JAZF1: variants seen among roughly 807,000 people sequenced by gnomAD.
JAZF1 encodes juxtaposed with another zinc finger protein 1.
In JAZF1, 8 loss-of-function variants were observed where a neutral mutation model predicts 26.4. That is an observed-to-expected ratio of 0.30 (90% CI 0.18 to 0.55). The LOEUF (loss-of-function observed/expected upper bound fraction) is 0.55. Among genes scored for constraint, JAZF1 ranks in the 20% least tolerant of loss-of-function variants. The pLI, the probability that JAZF1 is intolerant of heterozygous loss-of-function variation, is 0.94. For missense variants in JAZF1, 199 were observed against 322.0 expected, an observed-to-expected ratio of 0.62 and a Z score of 2.92; for synonymous variants, 126 against 122.3, an observed-to-expected ratio of 1.03 and a Z score of -0.20.
rs1782863749 is a variant in JAZF1, at chr7:27,838,593, C to T, written c.555+2105G>A. Among the ~76,000 whole-genome samples the T allele has an allele frequency of 2.0e-5, 3 of 152,298 alleles. No individual in the cohort carries two copies. The South Asian group carries it at 6.2e-4, about 32-fold the overall frequency. On this transcript the variant is annotated intron_variant, in intron 4 of 4. Transcript: ENST00000283928. ...CTGGATTCTGCCCGAGTCCACAGTA[C>T]CCAGCTTATCCCACCCTCTTCTCTC...
chr7:27,902,932 C>G (rs769322908), intron 2 of JAZF1, among the ~76,000 whole-genome samples: 86 of 147,400 alleles, frequency 5.8e-4, no homozygotes, highest in Non-Finnish European at 1.1e-3. Context: ...AGGAGAATGG[C>G]GTGAACCTGG....
intron 3 of JAZF1, among the ~76,000 whole-genome samples, chr7:27,856,007 T>C (rs1562767159): frequency 6.6e-6 from 1 of 152,232 alleles, no homozygotes; most frequent in Admixed American, 6.5e-5. Context: ...TCAAAAAGCT[T>C]ATCCACCACC....
At chr7:28,111,643 T>C (rs1399267390) in intron 1 of JAZF1, among the ~76,000 whole-genome samples, 1 of 152,256 alleles carries the variant, frequency 6.6e-6, no homozygotes, top group African/African-American at 2.4e-5. Flanking sequence ...CCAAATCAAA[T>C]GATGAATCAA....
chr7:27,885,700 A>T (rs1783849239), intron 3 of JAZF1, among the ~76,000 whole-genome samples: 1 of 151,974 alleles, frequency 6.6e-6, no homozygotes, highest in Non-Finnish European at 1.5e-5. Flanking sequence ...TTGGTCCCAC[A>T]GACACTTTAG....
intron 2 of JAZF1, among the ~76,000 whole-genome samples, chr7:27,949,549 G>A (rs1405876185): frequency 6.6e-6 from 1 of 152,196 alleles, no homozygotes; most frequent in African/African-American, 2.4e-5. Flanking sequence ...GATCATGTGA[G>A]GTCAGGAGTT....
At chr7:28,030,155 G>A (rs1355021371) in intron 1 of JAZF1, among the ~76,000 whole-genome samples, 1 of 152,196 alleles carries the variant, frequency 6.6e-6, no homozygotes, top group East Asian at 1.9e-4. Flanking sequence ...GCAGGATGGA[G>A]AATGTTTCTA....
At chr7:27,936,838 C>T (rs1464123586) in intron 2 of JAZF1, among the ~76,000 whole-genome samples, 2 of 152,216 alleles carry the variant, frequency 1.3e-5, no homozygotes, top group Admixed American at 6.5e-5. Flanking sequence ...TTATCCCCTC[C>T]AGAATGAGCT....
chr7:27,873,196 T>C (rs1426069096), intron 3 of JAZF1, among the ~76,000 whole-genome samples: 1 of 152,194 alleles, frequency 6.6e-6, no homozygotes, highest in Non-Finnish European at 1.5e-5. Flanking sequence ...AAGGTCTTCA[T>C]ACTTCCACCC....
rs927081327 is a variant in JAZF1, at chr7:28,003,539, G to C, written c.116-11558C>G. Among the ~76,000 whole-genome samples, 41 of 152,210 alleles carry C rather than the reference G, an allele frequency of 2.7e-4. 1 individual carries two copies. The highest frequency in any genetic ancestry group is 1.2e-4 in the Non-Finnish European group (8 of 68,038). Reference sequence around the variant, plus strand: ...GGATCTTTTCAGGCAGGCAATTAAAGTGAAAAATGAGTGTGCGCACAACTT... The same window carrying C: ...GGATCTTTTCAGGCAGGCAATTAAACTGAAAAATGAGTGTGCGCACAACTT... On this transcript the variant is annotated intron_variant, in intron 1 of 4. Transcript: ENST00000283928.
intron 1 of JAZF1, among the ~76,000 whole-genome samples, chr7:28,056,119 G>C (rs1039033078): frequency 6.6e-6 from 1 of 151,856 alleles, no homozygotes; most frequent in Non-Finnish European, 1.5e-5. Flanking sequence ...CAGTGCAGGG[G>C]CTCCATAAAT....
At chr7:27,862,647 C>G (rs1259028552) in intron 3 of JAZF1, among the ~76,000 whole-genome samples, 1 of 152,300 alleles carries the variant, frequency 6.6e-6, no homozygotes, top group South Asian at 2.1e-4. Context: ...TCTGAGCTCA[C>G]CCTTTTCAGC....
intron 2 of JAZF1, among the ~76,000 whole-genome samples, chr7:27,957,557 T>C (rs1048519787): frequency 4.6e-5 from 7 of 152,310 alleles, no homozygotes; most frequent in Admixed American, 1.3e-4. Context: ...ACGGAGCACT[T>C]TGGTTACCCT....
At chr7:28,063,506 C>T (rs1360165796) in intron 1 of JAZF1, among the ~76,000 whole-genome samples, 3 of 152,102 alleles carry the variant, frequency 2.0e-5, no homozygotes, top group African/African-American at 7.2e-5. Context: ...CCAAAAAAAT[C>T]ACTCTTGTAA....
intron 2 of JAZF1, among the ~76,000 whole-genome samples, chr7:27,939,238 A>T (rs184098027): frequency 1.3e-5 from 2 of 152,300 alleles, no homozygotes; most frequent in Non-Finnish European, 2.9e-5. Flanking sequence ...AAAATATCAA[A>T]ACTCCTGGGA....
chr7:27,896,363 CTT>C (rs1385482799), intron 2 of JAZF1, among the ~76,000 whole-genome samples: 3 of 152,084 alleles, frequency 2.0e-5, no homozygotes, highest in Non-Finnish European at 2.9e-5. Flanking sequence ...GGCAGGCAAA[CTT>C]TGTCAGCTGC....
At chr7:27,871,378 T>G (rs931813110) in intron 3 of JAZF1, among the ~76,000 whole-genome samples, 5 of 152,220 alleles carry the variant, frequency 3.3e-5, no homozygotes, top group Admixed American at 3.3e-4. Flanking sequence ...GTTTCTTCCC[T>G]TGCTTTGTTT....
intron 2 of JAZF1, among the ~76,000 whole-genome samples, chr7:27,937,627 CA>C (rs1273357010): frequency 6.6e-6 from 1 of 151,930 alleles, no homozygotes. Flanking sequence ...TGCTTATAAA[CA>C]AGAAAAAAAA....
chr7:28,030,338 A>G (rs1020122237), intron 1 of JAZF1, among the ~76,000 whole-genome samples: 1 of 152,226 alleles, frequency 6.6e-6, no homozygotes, highest in African/African-American at 2.4e-5. Flanking sequence ...TACAACTAAA[A>G]TGTTTCTGCA....
At chr7:28,158,843 C>T (rs1239965937) in intron 1 of JAZF1, among the ~76,000 whole-genome samples, 1 of 152,120 alleles carries the variant, frequency 6.6e-6, no homozygotes, top group African/African-American at 2.4e-5. Flanking sequence ...TTAATGATGT[C>T]GAGCATTTGA....
Sources: allele counts gnomAD v4.1 joint callset (sites outside exome capture counted in the v4.1 genomes callset), GRCh38; gene constraint gnomAD v4.1.1; transcripts MANE v1.5; gene names NCBI Gene and HGNC (gene_info 2026-07-23, HGNC 2026-07-21).